The following FAM110B variants were observed in gnomAD, a reference collection of about 807,000 sequenced individuals.
FAM110B encodes the protein protein FAM110B.
In FAM110B, 6 loss-of-function variants were observed where a neutral mutation model predicts 20.4. The ratio of observed to expected loss-of-function variants is 0.29; its 90% CI spans 0.16 to 0.58. The LOEUF is 0.58. Among genes scored for constraint, FAM110B ranks in the 20% least tolerant of loss-of-function variants. FAM110B has a pLI of 0.90. For missense variants in FAM110B, 434 were observed against 498.2 expected (o/e 0.87, Z 1.23); for synonymous variants, 226 against 214.1 (o/e 1.06, Z -0.49).
At chr8:58,113,420 C>T in intron 3 of FAM110B, 1 of 199,560 alleles carries the variant, frequency 5.0e-6, no homozygotes, top group Non-Finnish European at 1.1e-5. Context: ...ACTGTTTTGC[C>T]AGTTTGCTGA....
rs570711390 is a variant in FAM110B at position 58,020,817 on chromosome 8, A to T, written c.-511-10789A>T. Among the ~76,000 whole-genome samples the T allele has an allele frequency of 3.6e-4, 55 of 152,288 alleles. 1 individual carries two copies. Among genetic ancestry groups the T allele is most frequent in the African/African-American group, 1.3e-3 (53 of 41,554 alleles). ...GTTCTTCTAGCATCCAATCTGTCCC[A>T]CCAGTGCATGCCACTGTCTGAGGCT... On this transcript the variant is annotated intron_variant, in intron 1 of 3. Transcript: ENST00000519262.
At chr8:58,108,096 A>G (rs894758284) in intron 3 of FAM110B, among the ~76,000 whole-genome samples, 1 of 152,174 alleles carries the variant, frequency 6.6e-6, no homozygotes, top group Non-Finnish European at 1.5e-5. Context: ...GAAGTTTTTC[A>G]TGTAATGTAT....
intron 3 of FAM110B, among the ~76,000 whole-genome samples, chr8:58,130,864 G>T (rs1459631011): frequency 1.3e-5 from 2 of 152,210 alleles, no homozygotes; most frequent in African/African-American, 2.4e-5. Context: ...CAAATGGAGA[G>T]TTGCAGCAAC....
rs866325641 is a variant in FAM110B, at chr8:58,071,660, T to A, written c.-413-3875T>A. 2.1e-4 allele frequency among the ~76,000 whole-genome samples: 32 copies of A among 152,242 alleles called. 1 individual carries two copies. The Middle Eastern group carries it at 0.017, about 81-fold the overall frequency. ...CAGGTCCATCCTGGCAGATAGTAAGTCATCCAGTACAAAATGCATCCAAAT... is the reference window on the plus strand; with the variant it reads ...CAGGTCCATCCTGGCAGATAGTAAGACATCCAGTACAAAATGCATCCAAAT... On this transcript the variant is annotated intron_variant, in intron 2 of 3. Coordinates refer to ENST00000519262, the MANE Select transcript of FAM110B (RefSeq NM_001377989.1).
intron 3 of FAM110B, chr8:58,113,094 G>C (rs990338885): frequency 6.6e-6 from 1 of 152,134 alleles, no homozygotes; most frequent in African/African-American, 2.4e-5. Context: ...TTCATGGGGG[G>C]GGGCTCTGCC....
intron 3 of FAM110B, among the ~76,000 whole-genome samples, chr8:58,104,549 A>G (rs945744302): frequency 2.0e-5 from 3 of 152,222 alleles, no homozygotes; most frequent in Non-Finnish European, 4.4e-5. Context: ...CTGTAGTAAC[A>G]TGCTTGCAGC....
intron 2 of FAM110B, among the ~76,000 whole-genome samples, chr8:58,053,187 C>T (rs1805488205): frequency 6.6e-6 from 1 of 152,090 alleles, no homozygotes; most frequent in Non-Finnish European, 1.5e-5. Context: ...AAGTGAGGTG[C>T]TGTGTTTGAG....
At chr8:58,134,487 A>T (rs1019777375) in intron 3 of FAM110B, among the ~76,000 whole-genome samples, 1 of 152,178 alleles carries the variant, frequency 6.6e-6, no homozygotes, top group African/African-American at 2.4e-5. Context: ...CCAAGATTTT[A>T]TCTGACATTT....
chr8:58,000,913 T>TC (rs1442103752), intron 1 of FAM110B, among the ~76,000 whole-genome samples: 1 of 152,114 alleles, frequency 6.6e-6, no homozygotes, highest in Non-Finnish European at 1.5e-5. Context: ...TCAGATTTTT[T>TC]CCCCCCAATA....
chr8:58,091,891 G>A (rs1007049768), intron 3 of FAM110B, among the ~76,000 whole-genome samples: 1 of 152,134 alleles, frequency 6.6e-6, no homozygotes, highest in African/African-American at 2.4e-5. Flanking sequence ...TTCCAGGAAC[G>A]TTAACTCCAT....
rs1585924731 is a variant in FAM110B, at chr8:58,146,118, G to C, written c.-113G>C. ...GCTGCGGCCGCTGCTGCTGACACTC[G>C]CTCCCAGGCTGCACCCGCCGCCCTT... On this transcript the variant is annotated 5_prime_UTR_variant, in exon 4 of 4. Coordinates refer to ENST00000519262, the MANE Select transcript of FAM110B (RefSeq NM_001377989.1). 7.8e-7 allele frequency: 1 copy of C among 1,274,374 alleles called. No homozygotes were observed. The highest frequency in any genetic ancestry group is 1.5e-5 in the African/African-American group (1 of 66,786). The allele number at this position is 1,274,374 out of a possible 1,614,324, so 78.9% of individuals were successfully genotyped here. A position where few individuals can be genotyped will look rare whatever the true frequency, so the allele number is the denominator to read the frequency against.
At chr8:58,092,999 G>A (rs1806520103) in intron 3 of FAM110B, among the ~76,000 whole-genome samples, 1 of 152,226 alleles carries the variant, frequency 6.6e-6, no homozygotes, top group African/African-American at 2.4e-5. Context: ...AATGATGAGG[G>A]ATGATGAACT....
At chr8:58,045,613 G>A (rs1156842872) in intron 2 of FAM110B, among the ~76,000 whole-genome samples, 1 of 152,110 alleles carries the variant, frequency 6.6e-6, no homozygotes, top group South Asian at 2.1e-4. Context: ...TGACAGACAT[G>A]TTTCATAGTT....
At chr8:58,144,352 A>G (rs1326168959) in intron 3 of FAM110B, among the ~76,000 whole-genome samples, 1 of 152,218 alleles carries the variant, frequency 6.6e-6, no homozygotes, top group Non-Finnish European at 1.5e-5. Flanking sequence ...CATTTCATTC[A>G]AAATGTGTTC....
At chr8:58,034,543 C>T (rs1274766356) in intron 2 of FAM110B, among the ~76,000 whole-genome samples, 1 of 152,164 alleles carries the variant, frequency 6.6e-6, no homozygotes, top group African/African-American at 2.4e-5. Flanking sequence ...CTGGACTCTG[C>T]CATGTGCAAT....
chr8:58,130,140 A>C (rs1803414794), intron 3 of FAM110B, among the ~76,000 whole-genome samples: 1 of 152,318 alleles, frequency 6.6e-6, no homozygotes, highest in African/African-American at 2.4e-5. Flanking sequence ...CTCTGCATGA[A>C]GCATTCCTAG....
At chr8:58,073,132 C>G (rs1805947161) in intron 2 of FAM110B, among the ~76,000 whole-genome samples, 1 of 152,148 alleles carries the variant, frequency 6.6e-6, no homozygotes, top group Non-Finnish European at 1.5e-5. Flanking sequence ...CTGTAGTATT[C>G]CATGATCATG....
intron 2 of FAM110B, among the ~76,000 whole-genome samples, chr8:58,059,287 C>A (rs1345175987): frequency 6.6e-6 from 1 of 152,142 alleles, no homozygotes; most frequent in African/African-American, 2.4e-5. Context: ...TTTTATAGAT[C>A]TTGGGTCATG....
At chr8:58,015,978 C>T (rs1260836289) in intron 1 of FAM110B, among the ~76,000 whole-genome samples, 2 of 152,046 alleles carry the variant, frequency 1.3e-5, no homozygotes, top group African/African-American at 4.8e-5. Flanking sequence ...CTATTCCTAA[C>T]TGTATCATTC....
Sources: gnomAD v4.1 joint callset for allele counts (sites outside exome capture counted in the v4.1 genomes callset) on GRCh38, gnomAD v4.1.1 for gene constraint, MANE v1.5 for transcripts, NCBI Gene and HGNC (gene_info 2026-07-23, HGNC 2026-07-21) for gene names.